The following FGF12 variants were observed in gnomAD, a reference collection of about 807,000 sequenced individuals.
FGF12 encodes fibroblast growth factor 12B.
In FGF12, 14 loss-of-function variants were observed where a neutral mutation model predicts 23.6. That is an observed-to-expected ratio of 0.59 (90% CI 0.39 to 0.93). The LOEUF (loss-of-function observed/expected upper bound fraction) is 0.93, where lower values mean the gene tolerates loss of function less well. Ranked by LOEUF, FGF12 falls within the 40% of genes least tolerant of loss-of-function variation. The probability of loss-of-function intolerance (pLI) is 0.00; values close to 1 mark genes in which losing one functional copy is unlikely to be tolerated. For missense variants in FGF12, 175 were observed against 217.8 expected, an observed-to-expected ratio of 0.80 and a Z score of 1.24; for synonymous variants, 62 against 77.3, an observed-to-expected ratio of 0.80 and a Z score of 1.04.
At chr3:192,661,012 G>GA (rs1157640706) in intron 2 of FGF12, among the ~76,000 whole-genome samples, 3 of 151,630 alleles carry the variant, frequency 2.0e-5, no homozygotes, top group African/African-American at 4.8e-5. Context: ...TTAATATTAA[G>GA]AAAAAAACTG....
intron 2 of FGF12, among the ~76,000 whole-genome samples, chr3:192,639,708 T>C (rs951299652): frequency 3.3e-5 from 5 of 152,228 alleles, no homozygotes; most frequent in Non-Finnish European, 7.3e-5. Context: ...CTCATCATTA[T>C]TCCCTATATA....
At chr3:192,433,450 G>T (rs1295231605) in intron 2 of FGF12, among the ~76,000 whole-genome samples, 1 of 152,072 alleles carries the variant, frequency 6.6e-6, no homozygotes, top group Non-Finnish European at 1.5e-5. Flanking sequence ...ATAAGAAAAA[G>T]AATTTAGACC....
At chr3:192,299,569 A>G (rs944769471) in intron 4 of FGF12, among the ~76,000 whole-genome samples, 1 of 152,226 alleles carries the variant, frequency 6.6e-6, no homozygotes, top group Non-Finnish European at 1.5e-5. Flanking sequence ...ATATGCAAAC[A>G]TACAATAAGT....
chr3:192,457,806 G>A (rs751931075), intron 2 of FGF12, among the ~76,000 whole-genome samples: 2 of 152,176 alleles, frequency 1.3e-5, no homozygotes, highest in African/African-American at 2.4e-5. Context: ...CAAGACCATG[G>A]GGAAAATGTC....
At chr3:192,268,748 C>T (rs1713239501) in intron 4 of FGF12, 1 of 436,878 alleles carries the variant, frequency 2.3e-6, no homozygotes. Context: ...ACCTGCAGAA[C>T]TGTGAGCCGA....
At chr3:192,600,687 A>G (rs34654352) in intron 2 of FGF12, among the ~76,000 whole-genome samples, 23,133 of 152,068 alleles carry the variant, frequency 0.15, 1,788 homozygotes, top group Middle Eastern at 0.19. Flanking sequence ...CAAGAAATAC[A>G]TGAAAAAAAT....
chr3:192,685,042 G>C (rs1193810092), intron 2 of FGF12, among the ~76,000 whole-genome samples: 2 of 152,074 alleles, frequency 1.3e-5, no homozygotes, highest in African/African-American at 4.8e-5. Flanking sequence ...TTGTTGTAAA[G>C]ATTACAAAGT....
rs1017793337 is a variant in FGF12, at chr3:192,178,505, C to CT, written c.229-7850dup. 4.3e-4 allele frequency among the ~76,000 whole-genome samples: 64 copies of CT among 149,404 alleles called. No individual in the cohort carries two copies. In the East Asian group the frequency reaches 4.3e-3, roughly 10 times the overall value. Reference sequence around the variant, plus strand: ...CCACTTAAAACCCCAAATCTAAACTCTTTTTTTTTTCCAGAGGGAGTCTCG... The same window carrying CT: ...CCACTTAAAACCCCAAATCTAAACTCTTTTTTTTTTTCCAGAGGGAGTCTCG... On this transcript the variant is annotated intron_variant, in intron 4 of 5. Transcript: ENST00000445105.
At chr3:192,249,771 G>C (rs1043031800) in intron 4 of FGF12, among the ~76,000 whole-genome samples, 1 of 152,138 alleles carries the variant, frequency 6.6e-6, no homozygotes, top group African/African-American at 2.4e-5. Context: ...AAAGGGAGAG[G>C]CATGTGAGGT....
chr3:192,469,145 C>T (rs1723089823), intron 2 of FGF12, among the ~76,000 whole-genome samples: 1 of 152,154 alleles, frequency 6.6e-6, no homozygotes, highest in Non-Finnish European at 1.5e-5. Flanking sequence ...ATGCTCCAGG[C>T]TCATCTGACA....
intron 2 of FGF12, among the ~76,000 whole-genome samples, chr3:192,592,892 GAC>G (rs1174723490): frequency 3.3e-5 from 5 of 151,804 alleles, no homozygotes; most frequent in Non-Finnish European, 7.4e-5. Flanking sequence ...GTTTCTGACT[GAC>G]TATGATAAAT....
intron 2 of FGF12, among the ~76,000 whole-genome samples, chr3:192,590,569 G>A (rs777759362): frequency 6.6e-6 from 1 of 151,860 alleles, no homozygotes; most frequent in Non-Finnish European, 1.5e-5. Context: ...AAACCCCATA[G>A]AAGTCAAGTG....
At chr3:192,295,556 T>A (rs1238807959) in intron 4 of FGF12, among the ~76,000 whole-genome samples, 3 of 152,232 alleles carry the variant, frequency 2.0e-5, no homozygotes, top group Admixed American at 1.3e-4. Flanking sequence ...TGTCTACATT[T>A]CTCTCTTAAT....
chr3:192,704,250 T>A (rs905359726), intron 2 of FGF12, among the ~76,000 whole-genome samples: 1 of 152,216 alleles, frequency 6.6e-6, no homozygotes, highest in East Asian at 1.9e-4. Flanking sequence ...CTTTGATCCA[T>A]AGCTATTTGA....
intron 2 of FGF12, among the ~76,000 whole-genome samples, chr3:192,462,369 T>C (rs923604736): frequency 2.0e-5 from 3 of 152,028 alleles, no homozygotes; most frequent in African/African-American, 7.2e-5. Context: ...TGGGTTATCA[T>C]GGGAAGGAAC....
intron 2 of FGF12, among the ~76,000 whole-genome samples, chr3:192,657,201 C>T (rs577472946): frequency 2.6e-5 from 4 of 151,488 alleles, no homozygotes; most frequent in South Asian, 4.2e-4. Flanking sequence ...TTTGATATAA[C>T]GTATTGAACA....
chr3:192,521,777 ATTTAT>A (rs1287896596), intron 2 of FGF12, among the ~76,000 whole-genome samples: 1 of 152,046 alleles, frequency 6.6e-6, no homozygotes, highest in Non-Finnish European at 1.5e-5. Context: ...CTATTATAGG[ATTTAT>A]TTTATTCAGC....
chr3:192,656,554 G>A (rs748348050), intron 2 of FGF12, among the ~76,000 whole-genome samples: 3 of 152,104 alleles, frequency 2.0e-5, no homozygotes, highest in Non-Finnish European at 2.9e-5. Flanking sequence ...GAGGAGGGGT[G>A]CTACTGGCAT....
At chr3:192,532,680 A>G (rs1313757399) in intron 2 of FGF12, among the ~76,000 whole-genome samples, 2 of 152,204 alleles carry the variant, frequency 1.3e-5, no homozygotes, top group Non-Finnish European at 2.9e-5. Flanking sequence ...TACACACAAC[A>G]ATGACAATAA....
Sources: gnomAD v4.1 joint callset for allele counts (sites outside exome capture counted in the v4.1 genomes callset) on GRCh38, gnomAD v4.1.1 for gene constraint, MANE v1.5 for transcripts, NCBI Gene and HGNC (gene_info 2026-07-23, HGNC 2026-07-21) for gene names.